Variants in MACROD2 observed in about 807,000 individuals in gnomAD.
MACROD2 encodes ADP-ribose glycohydrolase MACROD2.
A neutral mutation model predicts 70.4 loss-of-function variants in MACROD2; 36 were observed. The ratio of observed to expected loss-of-function variants is 0.51; its 90% CI spans 0.39 to 0.68. The LOEUF (loss-of-function observed/expected upper bound fraction) is 0.68. Among genes scored for constraint, MACROD2 ranks in the 30% least tolerant of loss-of-function variants. The probability of loss-of-function intolerance (pLI) is 0.00; values close to 1 mark genes in which losing one functional copy is unlikely to be tolerated. For synonymous variants in MACROD2, 172 were observed against 178.8 expected, an observed-to-expected ratio of 0.96 and a Z score of 0.30; for missense variants, 496 against 538.4, an observed-to-expected ratio of 0.92 and a Z score of 0.78.
chr20:14,490,050 A>C (rs898760907), intron 3 of MACROD2, among the ~76,000 whole-genome samples: 1 of 152,128 alleles, frequency 6.6e-6, no homozygotes, highest in African/African-American at 2.4e-5. Context: ...AAAAACATAA[A>C]TTAATGTGTT....
intron 5 of MACROD2, among the ~76,000 whole-genome samples, chr20:15,050,298 CAGCAT>C (rs1293632989): frequency 1.3e-5 from 2 of 152,092 alleles, no homozygotes; most frequent in Non-Finnish European, 2.9e-5. Context: ...GCACTCAATA[CAGCAT>C]ACCACATTGG....
chr20:15,112,619 A>G (rs1019069925), intron 5 of MACROD2, among the ~76,000 whole-genome samples: 2 of 152,216 alleles, frequency 1.3e-5, no homozygotes, highest in Non-Finnish European at 2.9e-5. Flanking sequence ...GTGATCTTAA[A>G]AAAAGTTACT....
intron 7 of MACROD2, among the ~76,000 whole-genome samples, chr20:15,455,127 C>T (rs2046706256): frequency 6.6e-6 from 1 of 152,124 alleles, no homozygotes. Context: ...TACATCCTAC[C>T]AATGTTTAGA....
At chr20:15,270,892 T>C (rs1377963004) in intron 6 of MACROD2, among the ~76,000 whole-genome samples, 1 of 152,188 alleles carries the variant, frequency 6.6e-6, no homozygotes, top group Non-Finnish European at 1.5e-5. Flanking sequence ...TCTGATTTCT[T>C]CTCACCACCA....
intron 5 of MACROD2, among the ~76,000 whole-genome samples, chr20:15,019,745 A>T (rs1347596386): frequency 6.6e-6 from 1 of 152,198 alleles, no homozygotes; most frequent in Admixed American, 6.5e-5. Flanking sequence ...CCATTTGATT[A>T]TTCTTGAATA....
intron 5 of MACROD2, among the ~76,000 whole-genome samples, chr20:14,699,030 C>A (rs925532882): frequency 2.0e-5 from 3 of 151,820 alleles, no homozygotes; most frequent in African/African-American, 7.3e-5. Flanking sequence ...ACATCTTTTT[C>A]ATATTTTTAA....
chr20:15,279,380 T>G (rs1210166746), intron 6 of MACROD2, among the ~76,000 whole-genome samples: 3 of 152,138 alleles, frequency 2.0e-5, no homozygotes, highest in Non-Finnish European at 4.4e-5. Context: ...AAGCCATGAC[T>G]GCTAAAATGG....
At chr20:15,708,166 T>G (rs1332845886) in intron 8 of MACROD2, among the ~76,000 whole-genome samples, 4 of 152,160 alleles carry the variant, frequency 2.6e-5, no homozygotes, top group African/African-American at 9.7e-5. Flanking sequence ...TTCATCAAAA[T>G]ACATGTTGAG....
At chr20:15,721,182 C>G (rs1309845969) in intron 8 of MACROD2, among the ~76,000 whole-genome samples, 1 of 152,180 alleles carries the variant, frequency 6.6e-6, no homozygotes, top group Admixed American at 6.5e-5. Context: ...CTTAAAAGCA[C>G]ATTCATGGTG....
At chr20:14,091,880 C>T (rs1056514939) in intron 3 of MACROD2, among the ~76,000 whole-genome samples, 18 of 152,058 alleles carry the variant, frequency 1.2e-4, no homozygotes, top group Non-Finnish European at 2.2e-4. Flanking sequence ...TTGCTGTTAC[C>T]GATAAAGCTT....
In MACROD2 at chr20:14,259,175, G is replaced by A. The variant is rs921168234; in HGVS notation, c.271+173447G>A. ...CCAGGCTGATCTTGAACTCCTGACCGTGTGATCCACCCGCCTTGGCCTCCC... is the reference window on the plus strand; with the variant it reads ...CCAGGCTGATCTTGAACTCCTGACCATGTGATCCACCCGCCTTGGCCTCCC... On this transcript the variant is annotated intron_variant, in intron 3 of 17. Transcript: ENST00000684519. 4.9e-4 allele frequency among the ~76,000 whole-genome samples: 74 copies of A among 151,980 alleles called. 2 individuals are homozygous for A. Among genetic ancestry groups the A allele is most frequent in the Admixed American group, 4.5e-3 (68 of 15,242 alleles).
intron 3 of MACROD2, among the ~76,000 whole-genome samples, chr20:14,207,848 C>G (rs2081537496): frequency 6.6e-6 from 1 of 152,186 alleles, no homozygotes; most frequent in African/African-American, 2.4e-5. Context: ...AAAACCTTAT[C>G]AGGAAGCATT....
intron 6 of MACROD2, among the ~76,000 whole-genome samples, chr20:15,253,940 G>T (rs1826162012): frequency 6.6e-6 from 1 of 152,044 alleles, no homozygotes; most frequent in African/African-American, 2.4e-5. Context: ...ATTCTCCAAG[G>T]TAACCTTATC....
intron 8 of MACROD2, among the ~76,000 whole-genome samples, chr20:15,539,649 GAA>G (rs770569453): frequency 1.8e-4 from 28 of 152,180 alleles, no homozygotes; most frequent in Non-Finnish European, 3.2e-4. Flanking sequence ...ATTTTAACAA[GAA>G]AAAAATTTTG....
chr20:14,714,000 C>T (rs2071367824), intron 5 of MACROD2, among the ~76,000 whole-genome samples: 1 of 152,048 alleles, frequency 6.6e-6, no homozygotes, highest in Non-Finnish European at 1.5e-5. Context: ...AGCAGGACAG[C>T]AGGAGGCTGG....
intron 3 of MACROD2, among the ~76,000 whole-genome samples, chr20:14,330,403 C>T (rs2082814216): frequency 6.6e-6 from 1 of 151,964 alleles, no homozygotes; most frequent in African/African-American, 2.4e-5. Context: ...AAAGTAAGGA[C>T]TAAAGTAGTA....
chr20:14,625,963 C>T (rs1370281157), intron 4 of MACROD2, among the ~76,000 whole-genome samples: 1 of 152,126 alleles, frequency 6.6e-6, no homozygotes, highest in Non-Finnish European at 1.5e-5. Flanking sequence ...GCTGGGATTA[C>T]AGGCATGCAC....
At position 15,794,651 on chromosome 20, in the gene MACROD2, G is replaced by C. The variant is rs140928593; in HGVS notation, c.646-68094G>C. 5.9e-5 allele frequency among the ~76,000 whole-genome samples: 9 copies of C among 152,236 alleles called. No homozygotes were observed. In the East Asian group the frequency reaches 1.2e-3, roughly 20 times the overall value. On this transcript the variant is annotated intron_variant, in intron 8 of 17. Transcript: ENST00000684519. ...TGTCTTCCCATCCCCACAACTCCAG[G>C]GGTTTGATAGAACAAGGTTAATACT... is the stretch of plus-strand genomic sequence containing the variant.
At chr20:14,480,006 A>C (rs1427530131) in intron 3 of MACROD2, among the ~76,000 whole-genome samples, 3 of 151,984 alleles carry the variant, frequency 2.0e-5, no homozygotes, top group Non-Finnish European at 4.4e-5. Context: ...TCTCCTGAGT[A>C]GCTAGGACTA....
Sources: gnomAD v4.1 joint callset for allele counts (sites outside exome capture counted in the v4.1 genomes callset) on GRCh38, gnomAD v4.1.1 for gene constraint, MANE v1.5 for transcripts, NCBI Gene and HGNC (gene_info 2026-07-23, HGNC 2026-07-21) for gene names.